METTL8: variants seen among roughly 807,000 people sequenced by gnomAD.
The protein encoded by METTL8 is tRNA N(3)-cytidine methyltransferase METTL8, mitochondrial.
METTL8 carries 32 observed loss-of-function variants against 48.7 expected under a neutral mutation model. The observed-to-expected ratio is 0.66, with a 90% CI of 0.50 to 0.88. The LOEUF (loss-of-function observed/expected upper bound fraction) is 0.88, where lower values mean the gene tolerates loss of function less well. METTL8 is among the 40% of genes least tolerant of loss of function. The pLI is 0.00. For synonymous variants in METTL8, 136 were observed against 157.1 expected, an observed-to-expected ratio of 0.87 and a Z score of 1.01; for missense variants, 464 against 474.4, an observed-to-expected ratio of 0.98 and a Z score of 0.20.
Position 171,433,473 on chromosome 2 carries a change from G to A in METTL8, c.-13+410C>T, listed in dbSNP as rs372309837. On this transcript the variant is annotated intron_variant, in intron 1 of 9. Transcript: ENST00000375258. The stretch of plus-strand genomic sequence containing the variant: ...GAGATACAGCGGCCCCACCCTTAAG[G>A]GACTTAGAGCATGGCGGTGGGACAC... 2.2e-4 allele frequency among the ~76,000 whole-genome samples: 33 copies of A among 152,232 alleles called. No homozygotes were observed. The South Asian group carries it at 6.6e-3, about 31-fold the overall frequency.
At chr2:171,395,663 A>G (rs917686667) in intron 1 of METTL8, among the ~76,000 whole-genome samples, 4 of 152,216 alleles carry the variant, frequency 2.6e-5, no homozygotes, top group African/African-American at 4.8e-5. Flanking sequence ...CTATGCATGT[A>G]CCTAATAACA....
intron 1 of METTL8, among the ~76,000 whole-genome samples, chr2:171,414,906 G>A (rs1345482473): frequency 3.3e-5 from 5 of 152,046 alleles, no homozygotes; most frequent in Admixed American, 6.6e-5. Context: ...CTATTCTCGT[G>A]GTAGTGAATA....
chr2:171,353,703 T>C (rs1176256423), intron 3 of METTL8, among the ~76,000 whole-genome samples: 4 of 152,220 alleles, frequency 2.6e-5, no homozygotes, highest in Non-Finnish European at 5.9e-5. Flanking sequence ...ATTGATCCCT[T>C]TACCATCATG....
intron 3 of METTL8, among the ~76,000 whole-genome samples, chr2:171,341,327 CA>C (rs36083621): frequency 0.018 from 2,325 of 129,054 alleles, 37 homozygotes; most frequent in Admixed American, 0.052. Flanking sequence ...GACTCCGTCT[CA>C]AAAAAAAAAA....
chr2:171,430,320 C>T lies in METTL8; in HGVS notation c.-13+3563G>A, dbSNP rs563814785. 2.6e-4 allele frequency among the ~76,000 whole-genome samples: 39 copies of T among 150,000 alleles called. 1 individual carries two copies. The South Asian group carries it at 7.2e-3, about 28-fold the overall frequency. On this transcript the variant is annotated intron_variant, in intron 1 of 9. Coordinates refer to ENST00000375258, the MANE Select transcript of METTL8 (RefSeq NM_001321154.2). Reference sequence around the variant, plus strand: ...CTGCAGTGAGCCGAGATAGCCCCACCGCACTCCAGCCTGGACAACAGAGCA... The same window carrying T: ...CTGCAGTGAGCCGAGATAGCCCCACTGCACTCCAGCCTGGACAACAGAGCA...
intron 1 of METTL8, among the ~76,000 whole-genome samples, chr2:171,418,275 T>C (rs1287294372): frequency 2.0e-5 from 3 of 152,138 alleles, no homozygotes; most frequent in Non-Finnish European, 4.4e-5. Context: ...TCCTATTTAT[T>C]CTGACAGTAT....
intron 3 of METTL8, among the ~76,000 whole-genome samples, chr2:171,359,503 C>T (rs981373189): frequency 6.6e-6 from 1 of 152,134 alleles, no homozygotes; most frequent in Non-Finnish European, 1.5e-5. Context: ...TCCACCAATG[C>T]CACTACTGGG....
At chr2:171,418,800 A>G (rs893972213) in intron 1 of METTL8, among the ~76,000 whole-genome samples, 9 of 151,952 alleles carry the variant, frequency 5.9e-5, no homozygotes, top group Non-Finnish European at 1.2e-4. Flanking sequence ...CCAAAAATAC[A>G]AAAAATTAGC....
intron 2 of METTL8, among the ~76,000 whole-genome samples, chr2:171,367,561 C>T (rs552909390): frequency 5.9e-4 from 89 of 152,094 alleles, no homozygotes; most frequent in African/African-American, 2.1e-3. Context: ...GGGGACCACA[C>T]GGAGTCTCAG....
intron 1 of METTL8, among the ~76,000 whole-genome samples, chr2:171,392,969 G>C (rs1688715018): frequency 6.6e-6 from 1 of 151,554 alleles, no homozygotes; most frequent in Non-Finnish European, 1.5e-5. Flanking sequence ...ATCCAGGAGT[G>C]ATGTGAATTC....
At position 171,319,552 on chromosome 2, in the gene METTL8, A is replaced by G. The variant is rs1305583554; in HGVS notation, c.*4620T>C. The G allele has an allele frequency of 6.6e-6, 1 of 152,246 alleles. No homozygotes were observed. Among genetic ancestry groups the G allele is most frequent in the Non-Finnish European group, 1.5e-5 (1 of 68,048 alleles). The allele number at this position is 152,246 out of a possible 1,614,324, so 9.4% of individuals were successfully genotyped here. ...ATGGGTGAATTTTCACGTACAAGCT[A>G]GAGTACAGCAACGACTTAGAATCAC... On this transcript the variant is annotated 3_prime_UTR_variant, in exon 10 of 10. Transcript: ENST00000375258.
intron 1 of METTL8, among the ~76,000 whole-genome samples, chr2:171,432,702 G>A (rs1168782296): frequency 1.3e-5 from 2 of 152,128 alleles, no homozygotes; most frequent in Non-Finnish European, 2.9e-5. Flanking sequence ...ATTCAGCAGG[G>A]TTAAAAAGAG....
intron 3 of METTL8, among the ~76,000 whole-genome samples, chr2:171,341,112 G>A (rs966008401): frequency 3.3e-5 from 5 of 151,618 alleles, no homozygotes; most frequent in South Asian, 2.1e-4. Flanking sequence ...GGCGGATCAC[G>A]AGGTCAGGAG....
chr2:171,399,128 G>A (rs1249170866), intron 1 of METTL8, among the ~76,000 whole-genome samples: 5 of 152,092 alleles, frequency 3.3e-5, no homozygotes, highest in Non-Finnish European at 5.9e-5. Flanking sequence ...TGAATCCTAA[G>A]AAGGCCAAAA....
At position 171,374,916 on chromosome 2, in the gene METTL8, T is replaced by C. The variant is rs192606487; in HGVS notation, c.144-14403A>G. ...CAGAGAATAGTCTGTCTTCAGTCTT[T>C]AAGAACTCAGCTCCTTACATGGGCT... is the stretch of plus-strand genomic sequence containing the variant. On this transcript the variant is annotated intron_variant, in intron 2 of 9. Coordinates refer to ENST00000375258, the MANE Select transcript of METTL8 (RefSeq NM_001321154.2). 156 of 1,230,396 alleles carry C rather than the reference T, an allele frequency of 1.3e-4. No individual in the cohort carries two copies. The East Asian group carries it at 3.6e-3, about 28-fold the overall frequency. The allele number at this position is 1,230,396 out of a possible 1,614,324, so 76.2% of individuals were successfully genotyped here.
chr2:171,339,381 C>T lies in METTL8; in HGVS notation c.409G>A (p.Ala137Thr). The change falls in exon 4 of 10, where the codon GCT (alanine) becomes ACT (threonine). Residue 137 changes from alanine (A) to threonine (T), a missense_variant. Coordinates refer to ENST00000375258, the MANE Select transcript of METTL8 (RefSeq NM_001321154.2). ...TGCATTCTTGAGAAACGATTTGTAG[C>T]ACTAGTTTTTACATGATCCCATGAT... ...ESSWDHVKTSATNRFSRMHCP... is the reference protein window; with the variant it reads ...ESSWDHVKTSTTNRFSRMHCP... The T allele has an allele frequency of 6.2e-7, 1 of 1,613,202 alleles. No homozygotes were observed. The highest frequency in any genetic ancestry group is 8.5e-7 in the Non-Finnish European group (1 of 1,179,484).
chr2:171,406,762 T>C (rs1574167918), intron 1 of METTL8, among the ~76,000 whole-genome samples: 1 of 152,072 alleles, frequency 6.6e-6, no homozygotes, highest in African/African-American at 2.4e-5. Context: ...ACGTTAGGTA[T>C]GCATGGTACA....
intron 3 of METTL8, among the ~76,000 whole-genome samples, chr2:171,349,443 C>G (rs889034066): frequency 2.1e-4 from 32 of 152,296 alleles, no homozygotes; most frequent in African/African-American, 6.7e-4. Flanking sequence ...GCTTATTTCA[C>G]TTAGCATCAC....
At chr2:171,408,784 T>C (rs1198393236) in intron 1 of METTL8, among the ~76,000 whole-genome samples, 1 of 152,188 alleles carries the variant, frequency 6.6e-6, no homozygotes, top group Non-Finnish European at 1.5e-5. Context: ...ACCTCTGGCA[T>C]GATACCTAAC....
Sources: allele counts gnomAD v4.1 joint callset (sites outside exome capture counted in the v4.1 genomes callset), GRCh38; gene constraint gnomAD v4.1.1; transcripts MANE v1.5; gene names NCBI Gene and HGNC (gene_info 2026-07-23, HGNC 2026-07-21).